The following ZNF273 variants were observed in gnomAD, a reference collection of about 807,000 sequenced individuals.
ZNF273 encodes zinc finger protein 273.
ZNF273 carries 11 observed loss-of-function variants against 14.9 expected under a neutral mutation model. The ratio of observed to expected loss-of-function variants is 0.74; its 90% CI spans 0.46 to 1.22. The LOEUF is 1.22. ZNF273 is among the 50% of genes most tolerant of loss of function. ZNF273 has a pLI of 0.00. For synonymous variants in ZNF273, 199 were observed against 223.9 expected (o/e 0.89, Z 0.99); for missense variants, 577 against 660.6 (o/e 0.87, Z 1.39).
downstream of ZNF273, chr7:64,931,027 CTT>C (rs1292822486): frequency 6.6e-6 from 1 of 152,068 alleles, no homozygotes; most frequent in Non-Finnish European, 1.5e-5. Flanking sequence ...CATGTGGCCT[CTT>C]TGCCTGCAAA....
Position 64,929,829 on chromosome 7 carries a change from T to C in ZNF273, c.*791T>C, listed in dbSNP as rs1397266456. 1.3e-5 allele frequency: 2 copies of C among 150,594 alleles called. No individual in the cohort carries two copies. Among genetic ancestry groups the C allele is most frequent in the African/African-American group, 4.9e-5 (2 of 40,688 alleles). The allele number at this position is 150,594 out of a possible 1,614,324, so 9.3% of individuals were successfully genotyped here. A position where few individuals can be genotyped will look rare whatever the true frequency, so the allele number is the denominator to read the frequency against. ...GTAATTCAACTCTCAAATTCATGGT[T>C]TTTTTTTTTTTGGTTTTGGTTTTGG... On this transcript the variant is annotated 3_prime_UTR_variant, in exon 4 of 4. Transcript: ENST00000476120.
chr7:64,884,196 G>A (rs1051256094), downstream of ZNF273, among the ~76,000 whole-genome samples: 6 of 152,144 alleles, frequency 3.9e-5, no homozygotes, highest in Admixed American at 6.5e-5. Flanking sequence ...GGGATCTCAA[G>A]GGTTTTTCAG....
chr7:64,902,102 A>G (rs1327087235), upstream of ZNF273, among the ~76,000 whole-genome samples: 1 of 149,190 alleles, frequency 6.7e-6, no homozygotes, highest in African/African-American at 2.4e-5. Context: ...AAAATTACAT[A>G]CTGCTCACAT....
intron 3 of ZNF273, among the ~76,000 whole-genome samples, chr7:64,922,328 T>A (rs1435944619): frequency 6.6e-6 from 1 of 151,766 alleles, no homozygotes; most frequent in Non-Finnish European, 1.5e-5. Context: ...TTTTGTTTTT[T>A]TGTTTTTTTT....
chr7:64,899,595 A>G (rs1792558599), upstream of ZNF273, among the ~76,000 whole-genome samples: 1 of 151,998 alleles, frequency 6.6e-6, no homozygotes, highest in Admixed American at 6.6e-5. Flanking sequence ...ACAAATGTTG[A>G]AGTAGAGCCA....
chr7:64,907,540 A>G (rs1405228464), intron 1 of ZNF273, among the ~76,000 whole-genome samples: 3 of 152,216 alleles, frequency 2.0e-5, no homozygotes, highest in African/African-American at 7.2e-5. Context: ...ACCCCAGTGT[A>G]TAGATGGGCC....
chr7:64,914,925 CT>C (rs35818236), intron 1 of ZNF273, among the ~76,000 whole-genome samples: 66 of 133,316 alleles, frequency 5.0e-4, no homozygotes, highest in Admixed American at 6.9e-4. Context: ...AAAAAATGGC[CT>C]TTTTTTTTTT....
At chr7:64,887,155 G>A (rs114325101) in intron 1 of ZNF273, among the ~76,000 whole-genome samples, 3,452 of 152,338 alleles carry the variant, frequency 0.023, 128 homozygotes, top group African/African-American at 0.079. Context: ...CCCTGTGTGT[G>A]TGCAAAGCTA....
chr7:64,887,205 GC>G (rs1554379960), intron 1 of ZNF273, among the ~76,000 whole-genome samples: 4 of 152,250 alleles, frequency 2.6e-5, no homozygotes, highest in Non-Finnish European at 5.9e-5. Flanking sequence ...TGGAGGCCAT[GC>G]TGTGAATGTG....
At chr7:64,935,847 A>G (rs1213241578), downstream of ZNF273, among the ~76,000 whole-genome samples, 2 of 152,030 alleles carry the variant, frequency 1.3e-5, no homozygotes, top group African/African-American at 2.4e-5. Context: ...TAGTTTAACA[A>G]GATAAAAGTA....
intron 1 of ZNF273, 101 bp downstream of exon 1, chr7:64,903,520 C>T: frequency 8.3e-7 from 1 of 1,201,072 alleles, no homozygotes; most frequent in African/African-American, 1.5e-5. Context: ...CAGTAGACTC[C>T]AAAATCCGCG....
downstream of ZNF273, among the ~76,000 whole-genome samples, chr7:64,894,476 A>G (rs1792242734): frequency 6.6e-6 from 1 of 152,224 alleles, no homozygotes; most frequent in Non-Finnish European, 1.5e-5. Context: ...AATGATGTAT[A>G]TAATATGACA....
chr7:64,911,484 A>T (rs535072128), intron 1 of ZNF273, among the ~76,000 whole-genome samples: 2 of 152,114 alleles, frequency 1.3e-5, no homozygotes, highest in South Asian at 4.2e-4. Context: ...GCTGGTTTCG[A>T]ACTCCCGACC....
At chr7:64,902,089 T>C (rs986052489), upstream of ZNF273, among the ~76,000 whole-genome samples, 3 of 148,934 alleles carry the variant, frequency 2.0e-5, no homozygotes, top group Admixed American at 1.3e-4. Context: ...ATATATTACA[T>C]GAAAAATTAC....
chr7:64,903,411 C>T lies in ZNF273; in HGVS notation c.94C>T (p.Leu32=), dbSNP rs1190735599. ...TAAGACGCCAGGACTCCCTGGAAGC[C>T]TAGAAATGGTGAGAGTGCCGGGTCC... ...TAKTPGLPGS[L]EMGPLTFRDV... The change falls in exon 1 of 4, where the codon CTA becomes TTA. Residue 32 remains leucine (L), a synonymous_variant. Coordinates refer to ENST00000476120, the MANE Select transcript of ZNF273 (RefSeq NM_021148.3). 3.7e-6 allele frequency: 6 copies of T among 1,612,568 alleles called. No homozygotes were observed. The South Asian group carries it at 6.6e-5, about 18-fold the overall frequency.
intron 1 of ZNF273, among the ~76,000 whole-genome samples, chr7:64,887,828 C>A (rs1791690757): frequency 6.6e-6 from 1 of 150,570 alleles, no homozygotes; most frequent in South Asian, 2.1e-4. Context: ...TAGTTCAGGG[C>A]TCTGACTCTG....
At chr7:64,912,832 T>TGTTGG (rs1554386326) in intron 1 of ZNF273, among the ~76,000 whole-genome samples, 1 of 61,198 alleles carries the variant, frequency 1.6e-5, no homozygotes, top group Non-Finnish European at 3.3e-5. Context: ...TTTAGTTTTT[T>TGTTGG]TTTTTTTTTT....
chr7:64,907,056 T>G (rs985200655), intron 1 of ZNF273, among the ~76,000 whole-genome samples: 1 of 152,232 alleles, frequency 6.6e-6, no homozygotes, highest in Non-Finnish European at 1.5e-5. Flanking sequence ...TGGTTCAGAC[T>G]GAGGGTAGCT....
In ZNF273 at chr7:64,927,922, A is replaced by C; in HGVS notation, c.594A>C (p.Lys198Asn). ...TCTCAAATTCAAATATACATAAGAA[A>C]AGACAAACTGGAAAGAAACCTTTCA... ...HKFSNSNIHK[K>N]RQTGKKPFKC... The change falls in exon 4 of 4, where the codon AAA (lysine) becomes AAC (asparagine). Residue 198 changes from lysine (K) to asparagine (N), a missense_variant. Transcript: ENST00000476120. The C allele has an allele frequency of 6.2e-6, 10 of 1,613,518 alleles. No homozygotes were observed. The highest frequency in any genetic ancestry group is 8.5e-6 in the Non-Finnish European group (10 of 1,179,838).
Sources: allele counts gnomAD v4.1 joint callset (sites outside exome capture counted in the v4.1 genomes callset), GRCh38; gene constraint gnomAD v4.1.1; transcripts MANE v1.5; gene names NCBI Gene and HGNC (gene_info 2026-07-23, HGNC 2026-07-21).